Variants in ALS2 observed in about 807,000 individuals in gnomAD.
The protein encoded by ALS2 is alsin.
ALS2 carries 117 observed loss-of-function variants against 203.4 expected under a neutral mutation model. That is an observed-to-expected ratio of 0.58 (90% confidence interval 0.50 to 0.67). The LOEUF (loss-of-function observed/expected upper bound fraction) is 0.67. ALS2 is among the 30% of genes least tolerant of loss of function. The pLI, the probability that ALS2 is intolerant of heterozygous loss-of-function variation, is 0.00. For missense variants in ALS2, 1,715 were observed against 1,989.4 expected (o/e 0.86, Z 2.62); for synonymous variants, 718 against 725.9 (o/e 0.99, Z 0.17).
chr2:201,725,094 C>A lies in ALS2; in HGVS notation c.3347+262G>T, dbSNP rs541491754. ...CGCCACTGCACTCCAGCCTGGGTGA[C>A]AGAGCGAGACTTCATCTCAAAAAAA... On this transcript the variant is annotated intron_variant, in intron 20 of 33. Coordinates refer to ENST00000264276, the MANE Select transcript of ALS2 (RefSeq NM_020919.4). 4.2e-5 allele frequency among the ~76,000 whole-genome samples: 6 copies of A among 142,112 alleles called. No individual in the cohort carries two copies. The East Asian group carries it at 1.2e-3, about 29-fold the overall frequency. 93.2% of individuals were successfully genotyped at this position (142,112 alleles called of 152,430 possible). A position where few individuals can be genotyped will look rare whatever the true frequency, so the allele number is the denominator to read the frequency against.
chr2:201,776,109 T>C (rs191425411), intron 1 of ALS2, among the ~76,000 whole-genome samples: 32 of 152,340 alleles, frequency 2.1e-4, no homozygotes, highest in Non-Finnish European at 4.1e-4. Flanking sequence ...CTTCTCCTAA[T>C]AGAAACTCTC....
intron 8 of ALS2, among the ~76,000 whole-genome samples, chr2:201,747,484 T>G (rs1692741869): frequency 7.1e-6 from 1 of 140,032 alleles, no homozygotes; most frequent in African/African-American, 2.6e-5. Flanking sequence ...TTTTTGAGAC[T>G]CTTTCGCCCA....
At position 201,744,403 on chromosome 2, in the gene ALS2, T is replaced by C; in HGVS notation, c.2025A>G (p.Ala675=). ...CCAAGGCTAAATAGCTATCTTTTCCTGCTGTCACTCTGCTTATATATCCAA... is the reference window on the plus strand; with the variant it reads ...CCAAGGCTAAATAGCTATCTTTTCCCGCTGTCACTCTGCTTATATATCCAA... ...SKLGYISRVT[A]GKDSYLALVD... The change falls in exon 10 of 34, where the codon GCA becomes GCG. Residue 675 remains alanine (A), a synonymous_variant. Transcript: ENST00000264276. 6.2e-7 allele frequency: 1 copy of C among 1,614,114 alleles called. No homozygotes were observed. Among genetic ancestry groups the C allele is most frequent in the Non-Finnish European group, 8.5e-7 (1 of 1,180,010 alleles).
intron 33 of ALS2, 87 bp downstream of exon 33, chr2:201,704,035 C>CA (rs1237441360): frequency 1.7e-6 from 2 of 1,186,628 alleles, no homozygotes; most frequent in African/African-American, 1.5e-5. Context: ...AACTTTTATA[C>CA]AAAAAAAGTG....
At chr2:201,724,245 G>A (rs1367482556) in intron 21 of ALS2, 50 bp downstream of exon 21, 2 of 1,543,252 alleles carry the variant, frequency 1.3e-6, no homozygotes, top group Admixed American at 3.3e-5. Flanking sequence ...AAATAATGAT[G>A]GTGCTTAATC....
At chr2:201,732,891 AC>A (rs1691661629) in intron 13 of ALS2, among the ~76,000 whole-genome samples, 1 of 152,120 alleles carries the variant, frequency 6.6e-6, no homozygotes, top group Non-Finnish European at 1.5e-5. Flanking sequence ...GCTGGGTAAC[AC>A]CCCTGCCTTA....
In ALS2 at chr2:201,726,551, T is replaced by C. The variant is rs1432947834; in HGVS notation, c.3183-2A>G. ...CCATCAGGCCACTTCAAAACCCCTC[T>C]GGAATGCATAAGCAAAGAATAATGC... On this transcript the variant is annotated splice_acceptor_variant, in intron 18 of 33. Transcript: ENST00000264276. LOFTEE classifies it high-confidence loss of function. The C allele has an allele frequency of 1.9e-6, 3 of 1,613,866 alleles. No homozygotes were observed. The highest frequency in any genetic ancestry group is 1.7e-6 in the Non-Finnish European group (2 of 1,179,826).
At chr2:201,728,974 A>G (rs1196692433) in intron 14 of ALS2, 78 bp downstream of exon 14, 1 of 1,606,760 alleles carries the variant, frequency 6.2e-7, no homozygotes, top group Non-Finnish European at 8.5e-7. Context: ...ACAAGTGAGG[A>G]ACAGAGAAAA....
rs969034810 is a variant in ALS2, at chr2:201,707,797, G to A, written c.4403+72C>T. Reference sequence around the variant, plus strand: ...ATAGATCTAGAGAACACACTTTCTCGCTGGGACTCTTTGAGTAAGATCATC... The same window carrying A: ...ATAGATCTAGAGAACACACTTTCTCACTGGGACTCTTTGAGTAAGATCATC... On this transcript the variant is annotated intron_variant, in intron 28 of 33. Transcript: ENST00000264276. The A allele has an allele frequency of 2.1e-5, 33 of 1,569,334 alleles. No individual in the cohort carries two copies. In the East Asian group the frequency reaches 4.4e-4, roughly 21 times the overall value.
chr2:201,710,423 C>T (rs373291743), intron 26 of ALS2, among the ~76,000 whole-genome samples: 13 of 90,088 alleles, frequency 1.4e-4, no homozygotes, highest in Non-Finnish European at 2.3e-4. Flanking sequence ...ACAGTGAGAA[C>T]CCCCATATCT....
rs867217352 is a variant in ALS2 at position 201,749,611 on chromosome 2, C to T, written c.1815+101G>A. ...AAAACCAAAACAAATTTAGGTTGTA[C>T]GTATGAAATTCCCCCGATATTTTAA... On this transcript the variant is annotated intron_variant, in intron 8 of 33. Coordinates refer to ENST00000264276, the MANE Select transcript of ALS2 (RefSeq NM_020919.4). 4.0e-5 allele frequency: 45 copies of T among 1,119,854 alleles called. No individual in the cohort carries two copies. The Middle Eastern group carries it at 1.2e-3, about 29-fold the overall frequency. 69.4% of individuals were successfully genotyped at this position (1,119,854 alleles called of 1,614,324 possible).
In ALS2 at chr2:201,761,188, T is replaced by C. The variant is rs368703011; in HGVS notation, c.806A>G (p.Glu269Gly). Reference protein sequence around the residue: ...LGVTLTESQAENHASTALSPS... With the variant: ...LGVTLTESQAGNHASTALSPS... Reference sequence around the variant, plus strand: ...GCTGAGAGCAGTGCTGGCATGGTTTTCTGCCTGAGATTCTGTCAGTGTCAC... The same window carrying C: ...GCTGAGAGCAGTGCTGGCATGGTTTCCTGCCTGAGATTCTGTCAGTGTCAC... The change falls in exon 4 of 34, where the codon GAA becomes GGA. Residue 269 changes from glutamate to glycine, a missense_variant. By Grantham distance (98) the Glu-to-Gly change is moderately conservative (BLOSUM62 -2). This residue lies in a region of ALS2 where 476 missense variants were observed against 539.3 expected (regional missense o/e 0.88). Transcript: ENST00000264276. The C allele has an allele frequency of 1.2e-6, 2 of 1,614,118 alleles. No individual in the cohort carries two copies. Among genetic ancestry groups the C allele is most frequent in the African/African-American group, 2.7e-5 (2 of 74,934 alleles).
chr2:201,750,852 C>CTTT (rs550778369), intron 7 of ALS2, among the ~76,000 whole-genome samples: 1 of 137,530 alleles, frequency 7.3e-6, no homozygotes, highest in Admixed American at 7.4e-5. Context: ...TTTCCAATTC[C>CTTT]TTTTTTTTTT....
At position 201,741,403 on chromosome 2, in the gene ALS2, T is replaced by A. The variant is rs1018774677; in HGVS notation, c.2351+271A>T. ...AAATTGTTTTCTAAAGAACCAGACT[T>A]ATTATAGTACATTTAATGTAAATTA... On this transcript the variant is annotated intron_variant, in intron 11 of 33. Coordinates refer to ENST00000264276, the MANE Select transcript of ALS2 (RefSeq NM_020919.4). The A allele has an allele frequency of 1.1e-5, 4 of 372,086 alleles. No individual in the cohort carries two copies. In the Admixed American group the frequency reaches 1.2e-4, roughly 11 times the overall value. The allele number at this position is 372,086 out of a possible 1,614,324, so 23.0% of individuals were successfully genotyped here.
intron 7 of ALS2, 115 bp from the exon 8 acceptor site, chr2:201,749,904 G>A (rs1692925930): frequency 1.3e-6 from 1 of 798,284 alleles, no homozygotes; most frequent in Admixed American, 2.0e-5. Flanking sequence ...TATACATTAA[G>A]TACTTATATT....
At chr2:201,711,873 C>T (rs1336916616) in intron 25 of ALS2, among the ~76,000 whole-genome samples, 17 of 149,924 alleles carry the variant, frequency 1.1e-4, no homozygotes, top group Admixed American at 1.1e-3. Flanking sequence ...TAACTAACAA[C>T]AGTTAACCCA....
intron 1 of ALS2, among the ~76,000 whole-genome samples, chr2:201,774,086 A>C (rs748229710): frequency 6.6e-6 from 1 of 152,232 alleles, no homozygotes; most frequent in South Asian, 2.1e-4. Context: ...AAAAATGTTG[A>C]AATGGCAAAC....
At position 201,728,654 on chromosome 2, in the gene ALS2, C is replaced by T. The variant is rs1202781377; in HGVS notation, c.2713-14G>A. Reference sequence around the variant, plus strand: ...CCTCAAGGAATCCTGGAATTAAAGACAAATATAATACAAGTCAAACAATCA... The same window carrying T: ...CCTCAAGGAATCCTGGAATTAAAGATAAATATAATACAAGTCAAACAATCA... On this transcript the variant is annotated splice_polypyrimidine_tract_variant and intron_variant, in intron 14 of 33. Coordinates refer to ENST00000264276, the MANE Select transcript of ALS2 (RefSeq NM_020919.4). 3 of 1,613,178 alleles carry T rather than the reference C, an allele frequency of 1.9e-6. No homozygotes were observed. Among genetic ancestry groups the T allele is most frequent in the Non-Finnish European group, 2.5e-6 (3 of 1,179,340 alleles).
At chr2:201,722,600 TA>T (rs1398189607) in intron 23 of ALS2, 2 of 159,634 alleles carry the variant, frequency 1.3e-5, no homozygotes, top group African/African-American at 4.8e-5. Flanking sequence ...CATCAACTGG[TA>T]AAAGGATAAA....
Sources: gnomAD v4.1 joint callset for allele counts (sites outside exome capture counted in the v4.1 genomes callset) on GRCh38, gnomAD v4.1.1 for gene constraint, gnomAD v4.1.1 regional missense constraint, MANE v1.5 for transcripts, NCBI Gene and HGNC (gene_info 2026-07-23, HGNC 2026-07-21) for gene names.